The following TCF7L2 variants were observed in gnomAD, a reference collection of about 807,000 sequenced individuals.
TCF7L2 encodes the protein transcription factor 7-like 2.
Under a neutral mutation model 77.9 loss-of-function variants are expected in TCF7L2, and 23 were observed. The observed-to-expected ratio is 0.30, with a 90% CI of 0.21 to 0.42. TCF7L2 has a LOEUF of 0.42. TCF7L2 is among the 10% of genes least tolerant of loss of function. TCF7L2 has a pLI of 1.00. For missense variants in TCF7L2, 654 were observed against 793.1 expected, an observed-to-expected ratio of 0.82 and a Z score of 2.11; for synonymous variants, 413 against 340.2, an observed-to-expected ratio of 1.21 and a Z score of -2.36.
At position 113,000,123 on chromosome 10, in the gene TCF7L2, A is replaced by G. The variant is rs180971540; in HGVS notation, c.450+35499A>G. 1.1e-3 allele frequency among the ~76,000 whole-genome samples: 170 copies of G among 152,292 alleles called. 1 individual carries two copies. Among genetic ancestry groups the G allele is most frequent in the African/African-American group, 3.5e-3 (146 of 41,556 alleles). ...GTCCTAAAGTTAAAGAAAATCTGCA[A>G]TGTTCTTTGTGGGACCGAATAATGC... On this transcript the variant is annotated intron_variant, in intron 4 of 13. Coordinates refer to ENST00000627217, the MANE Select transcript of TCF7L2 (RefSeq NM_001146274.2).
intron 5 of TCF7L2, among the ~76,000 whole-genome samples, chr10:113,050,388 GGT>G (rs141100141): frequency 2.8e-3 from 421 of 152,222 alleles, no homozygotes; most frequent in African/African-American, 9.6e-3. Flanking sequence ...CAGAGGTGGG[GGT>G]GTTATCAAGA....
At position 113,151,655 on chromosome 10, in the gene TCF7L2, G is replaced by A. The variant is rs1266729696; in HGVS notation, c.1002-70G>A. The stretch of plus-strand genomic sequence containing the variant: ...TGGGGGTTATGAGACAAGGAGATAC[G>A]TTCCCTGCCATGGAGGAAGTTGGAC... On this transcript the variant is annotated intron_variant, in intron 9 of 13. Coordinates refer to ENST00000627217, the MANE Select transcript of TCF7L2 (RefSeq NM_001146274.2). The surrounding 1 kb of genome is among the most constrained non-coding windows in gnomAD (Gnocchi z 5.2). 10 of 1,512,718 alleles carry A rather than the reference G, an allele frequency of 6.6e-6. No homozygotes were observed. The highest frequency in any genetic ancestry group is 4.2e-5 in the South Asian group (3 of 70,756). The allele number at this position is 1,512,718 out of a possible 1,614,324, so 93.7% of individuals were successfully genotyped here.
At chr10:113,123,724 T>C (rs916433189) in intron 5 of TCF7L2, among the ~76,000 whole-genome samples, 2 of 152,170 alleles carry the variant, frequency 1.3e-5, no homozygotes, top group African/African-American at 4.8e-5. Flanking sequence ...TCCATTTTGA[T>C]CCATTTTTTA....
At chr10:113,132,934 C>G (rs1253951470) in intron 5 of TCF7L2, 3 of 152,086 alleles carry the variant, frequency 2.0e-5, no homozygotes, top group African/African-American at 4.8e-5. Context: ...AATTTTGTGA[C>G]GCTGCCGGAG....
chr10:113,157,626 A>G lies in TCF7L2; in HGVS notation c.1270-395A>G, dbSNP rs565705238. 14 of 183,766 alleles carry G rather than the reference A, an allele frequency of 7.6e-5. No individual in the cohort carries two copies. In the South Asian group the frequency reaches 1.7e-3, roughly 22 times the overall value. 11.4% of individuals were successfully genotyped at this position (183,766 alleles called of 1,614,324 possible). A position where few individuals can be genotyped will look rare whatever the true frequency, so the allele number is the denominator to read the frequency against. On this transcript the variant is annotated intron_variant, in intron 11 of 13. Transcript: ENST00000627217. ...AGCTGGTGCGGCCATGACCACCTTCATGTGCTCCTCAAAGATGGGCTCTCA... is the reference window on the plus strand; with the variant it reads ...AGCTGGTGCGGCCATGACCACCTTCGTGTGCTCCTCAAAGATGGGCTCTCA...
At chr10:113,115,786 C>T (rs1295307297) in intron 5 of TCF7L2, among the ~76,000 whole-genome samples, 2 of 152,062 alleles carry the variant, frequency 1.3e-5, no homozygotes, top group East Asian at 1.9e-4. Flanking sequence ...CCACAACTAC[C>T]GACCATCCCG....
intron 5 of TCF7L2, among the ~76,000 whole-genome samples, chr10:113,113,345 A>G (rs139162914): frequency 6.6e-6 from 1 of 152,276 alleles, no homozygotes; most frequent in Non-Finnish European, 1.5e-5. Context: ...TACCAAAGCA[A>G]CTTGATGTCC....
chr10:113,158,981 CTG>C (rs2072555945), intron 12 of TCF7L2, among the ~76,000 whole-genome samples: 1 of 147,866 alleles, frequency 6.8e-6, no homozygotes, highest in African/African-American at 2.5e-5. Flanking sequence ...GTTGAACTAA[CTG>C]TGCAAATTGA....
At chr10:113,015,229 C>G (rs946366440) in intron 4 of TCF7L2, among the ~76,000 whole-genome samples, 1 of 152,216 alleles carries the variant, frequency 6.6e-6, no homozygotes, top group African/African-American at 2.4e-5. Context: ...CAGGCCACAT[C>G]AATCCCATTC....
chr10:113,038,612 C>T lies in TCF7L2; in HGVS notation c.451-1413C>T, dbSNP rs117087840. Among the ~76,000 whole-genome samples, 1,386 of 152,290 alleles carry T rather than the reference C, an allele frequency of 9.1e-3. 12 individuals are homozygous for T. The highest frequency in any genetic ancestry group is 0.014 in the Non-Finnish European group (964 of 68,032). On this transcript the variant is annotated intron_variant, in intron 4 of 13. Transcript: ENST00000627217. ...ACCCTTCTTTCTGTATTATCCTTTC[C>T]TGTCTTTTTTCTTTCTATTGAAATT...
chr10:113,093,957 GT>G (rs1220181155), intron 5 of TCF7L2, among the ~76,000 whole-genome samples: 3 of 152,166 alleles, frequency 2.0e-5, no homozygotes, highest in South Asian at 2.1e-4. Flanking sequence ...CTCTTCAGGG[GT>G]TCTATAAACT....
intron 6 of TCF7L2, among the ~76,000 whole-genome samples, chr10:113,141,908 T>G (rs1415193675): frequency 6.6e-6 from 1 of 152,264 alleles, no homozygotes; most frequent in Non-Finnish European, 1.5e-5. Context: ...TTTACAGATA[T>G]GAATACTGAA....
chr10:113,163,938 C>T (rs1331288912), intron 13 of TCF7L2, among the ~76,000 whole-genome samples: 3 of 152,222 alleles, frequency 2.0e-5, no homozygotes, highest in African/African-American at 7.2e-5. Context: ...TCAGCACACC[C>T]TTCCTTTCCA....
intron 4 of TCF7L2, among the ~76,000 whole-genome samples, chr10:113,027,646 G>T (rs1008001422): frequency 6.6e-6 from 1 of 152,168 alleles, no homozygotes; most frequent in Non-Finnish European, 1.5e-5. Context: ...TGAGGTTATT[G>T]TGCTCGAAAT....
intron 4 of TCF7L2, among the ~76,000 whole-genome samples, chr10:112,974,165 C>G (rs566462312): frequency 2.0e-5 from 3 of 152,302 alleles, no homozygotes; most frequent in African/African-American, 7.2e-5. Context: ...CTAGTTTTAC[C>G]GTTTTTACTT....
intron 5 of TCF7L2, among the ~76,000 whole-genome samples, chr10:113,062,409 A>G (rs2056606851): frequency 6.6e-6 from 1 of 152,174 alleles, no homozygotes; most frequent in Admixed American, 6.5e-5. Flanking sequence ...GGACCACATA[A>G]GGTTTCCGTG....
intron 5 of TCF7L2, among the ~76,000 whole-genome samples, chr10:113,098,361 C>T (rs2061284872): frequency 6.6e-6 from 1 of 151,968 alleles, no homozygotes; most frequent in African/African-American, 2.4e-5. Context: ...AATTCTGTGC[C>T]CTGATTTAAC....
Position 113,034,497 on chromosome 10 carries a change from A to G in TCF7L2, c.451-5528A>G, listed in dbSNP as rs116944602. ...TACTCTCAGCTTTGGGCGCATAAGC[A>G]GAGTATTGATTTTGTATTTGGTTAA... On this transcript the variant is annotated intron_variant, in intron 4 of 13. Coordinates refer to ENST00000627217, the MANE Select transcript of TCF7L2 (RefSeq NM_001146274.2). Among the ~76,000 whole-genome samples, 1,399 of 152,370 alleles carry G rather than the reference A, an allele frequency of 9.2e-3. 8 individuals carry two copies. The highest frequency in any genetic ancestry group is 0.015 in the Non-Finnish European group (1,010 of 68,038).
At chr10:113,027,113 T>C (rs2133985707) in intron 4 of TCF7L2, among the ~76,000 whole-genome samples, 1 of 152,346 alleles carries the variant, frequency 6.6e-6, no homozygotes, top group East Asian at 1.9e-4. Context: ...AATGAGTTAG[T>C]GGTGCTGACT....
Sources: gnomAD v4.1 joint callset for allele counts (sites outside exome capture counted in the v4.1 genomes callset) on GRCh38, gnomAD v4.1.1 for gene constraint, Gnocchi (gnomAD v3.1) non-coding constraint, MANE v1.5 for transcripts, NCBI Gene and HGNC (gene_info 2026-07-23, HGNC 2026-07-21) for gene names.